Variants in ARFGEF3 observed in about 807,000 individuals in gnomAD.
The protein encoded by ARFGEF3 is ARFGEF family member 3.
ARFGEF3 carries 96 observed loss-of-function variants against 221.7 expected under a neutral mutation model. The ratio of observed to expected loss-of-function variants is 0.43; its 90% CI spans 0.37 to 0.51. The LOEUF is 0.51. Ranked by LOEUF, ARFGEF3 falls within the 20% of genes least tolerant of loss-of-function variation. The pLI, the probability that ARFGEF3 is intolerant of heterozygous loss-of-function variation, is 0.00. For synonymous variants in ARFGEF3, 1,145 were observed against 1,126.8 expected (o/e 1.02, Z -0.32); for missense variants, 2,410 against 2,789.9 (o/e 0.86, Z 3.07).
Position 138,245,544 on chromosome 6 carries a change from T to G in ARFGEF3, c.618T>G (p.Val206=). 4 of 1,611,558 alleles carry G rather than the reference T, an allele frequency of 2.5e-6. No homozygotes were observed. The highest frequency in any genetic ancestry group is 3.4e-6 in the Non-Finnish European group (4 of 1,179,044). ...CAGTAGAGTCCCTCTGTGATGATGT[T>G]GTCTCTGTACTCACCGTCCTGTGTG... The part of the protein sequence containing the change: ...GSTVESLCDD[V]VSVLTVLCEK... Residue 206 remains valine, a synonymous_variant, in exon 8 of 34, where the codon GTT becomes GTG. Transcript: ENST00000251691.
At position 138,175,501 on chromosome 6, in the gene ARFGEF3, A is replaced by G. The variant is rs922410157; in HGVS notation, c.137+4788A>G. Among the ~76,000 whole-genome samples, 5 of 152,310 alleles carry G rather than the reference A, an allele frequency of 3.3e-5. No individual in the cohort carries two copies. The East Asian group carries it at 9.6e-4, about 29-fold the overall frequency. On this transcript the variant is annotated intron_variant, in intron 2 of 33. Coordinates refer to ENST00000251691, the MANE Select transcript of ARFGEF3 (RefSeq NM_020340.5). The stretch of plus-strand genomic sequence containing the variant: ...GAAGAAGCCATCGATAGCTCAGGTT[A>G]TGTCTTAGATTAGAATCATCCTCCC...
rs758160968 is a variant in ARFGEF3, at chr6:138,278,446, C to T, written c.2129-5C>T. Reference sequence around the variant, plus strand: ...CCCCAAAAGTCCCTTCATTGTCTCCCTTAGGCATGATGCACTCTCCTGGCT... The same window carrying T: ...CCCCAAAAGTCCCTTCATTGTCTCCTTTAGGCATGATGCACTCTCCTGGCT... On this transcript the variant is annotated splice_polypyrimidine_tract_variant and splice_region_variant and intron_variant, in intron 12 of 33. Coordinates refer to ENST00000251691, the MANE Select transcript of ARFGEF3 (RefSeq NM_020340.5). 1 of 1,613,574 alleles carries T rather than the reference C, an allele frequency of 6.2e-7. No individual in the cohort carries two copies. Among genetic ancestry groups the T allele is most frequent in the Non-Finnish European group, 8.5e-7 (1 of 1,179,758 alleles).
chr6:138,234,500 G>T (rs1391367148), intron 5 of ARFGEF3, among the ~76,000 whole-genome samples: 2 of 151,294 alleles, frequency 1.3e-5, no homozygotes, highest in Admixed American at 6.6e-5. Context: ...GTGTGTGTGT[G>T]GTGTGTGTTT....
At chr6:138,193,690 T>C (rs1037948628) in intron 2 of ARFGEF3, among the ~76,000 whole-genome samples, 10 of 152,316 alleles carry the variant, frequency 6.6e-5, no homozygotes, top group Admixed American at 5.2e-4. Context: ...TACCTGGAAA[T>C]TTTTATTTCC....
chr6:138,293,286 T>C (rs929076039), intron 19 of ARFGEF3, among the ~76,000 whole-genome samples: 2 of 152,306 alleles, frequency 1.3e-5, no homozygotes, highest in African/African-American at 2.4e-5. Context: ...AAAACAGATA[T>C]TTGATCTTTA....
chr6:138,248,550 G>A (rs1778526637), intron 8 of ARFGEF3, among the ~76,000 whole-genome samples: 1 of 152,182 alleles, frequency 6.6e-6, no homozygotes, highest in South Asian at 2.1e-4. Flanking sequence ...GTTTTTAAGT[G>A]CTAGAAACGT....
At position 138,298,961 on chromosome 6, in the gene ARFGEF3, A is replaced by T. The variant is rs562541259; in HGVS notation, c.3828+176A>T. Among the ~76,000 whole-genome samples, 4 of 152,258 alleles carry T rather than the reference A, an allele frequency of 2.6e-5. No homozygotes were observed. The East Asian group carries it at 7.7e-4, about 29-fold the overall frequency. On this transcript the variant is annotated intron_variant, in intron 22 of 33. Transcript: ENST00000251691. ...ACACCTGTAATCCCAGCACTTTGGGAGGCCAAGGTGGGCGGATCACGAGGT... is the reference window on the plus strand; with the variant it reads ...ACACCTGTAATCCCAGCACTTTGGGTGGCCAAGGTGGGCGGATCACGAGGT...
intron 8 of ARFGEF3, among the ~76,000 whole-genome samples, chr6:138,246,952 T>A (rs1778495824): frequency 6.6e-6 from 1 of 152,218 alleles, no homozygotes; most frequent in South Asian, 2.1e-4. Flanking sequence ...ACTATATATA[T>A]AAATCCTATA....
rs527640388 is a variant in ARFGEF3, at chr6:138,313,721, T to G, written c.4201-74T>G. 122 of 1,243,518 alleles carry G rather than the reference T, an allele frequency of 9.8e-5. 1 individual carries two copies. In the East Asian group the frequency reaches 2.5e-3, roughly 25 times the overall value. The allele number at this position is 1,243,518 out of a possible 1,614,324, so 77.0% of individuals were successfully genotyped here. On this transcript the variant is annotated intron_variant, in intron 25 of 33. Transcript: ENST00000251691. ...CTCCTTTTAGTACTAGTGTATAATTTCATTATTCTTTAAAACCCACAATGC... is the reference window on the plus strand; with the variant it reads ...CTCCTTTTAGTACTAGTGTATAATTGCATTATTCTTTAAAACCCACAATGC...
chr6:138,210,119 T>A, intron 4 of ARFGEF3, 78 bp downstream of exon 4: 1 of 1,454,316 alleles, frequency 6.9e-7, no homozygotes. Flanking sequence ...TATCTGAAAA[T>A]GCCTCTGCGT....
At chr6:138,279,924 G>A in intron 13 of ARFGEF3, 75 bp from the exon 14 acceptor site, 1 of 1,439,820 alleles carries the variant, frequency 6.9e-7, no homozygotes, top group Non-Finnish European at 9.7e-7. Context: ...GACGTGAAGA[G>A]GCAGCAGAGG....
chr6:138,294,127 G>A lies in ARFGEF3; in HGVS notation c.3502+1G>A. On this transcript the variant is annotated splice_donor_variant, in intron 20 of 33. Coordinates refer to ENST00000251691, the MANE Select transcript of ARFGEF3 (RefSeq NM_020340.5). LOFTEE classifies it high-confidence loss of function. ...GTTGATTACTCTCTGGCAATGCCAG[G>A]TAATTCTTTCCCTGAATAAACCATA... The A allele has an allele frequency of 6.2e-7, 1 of 1,613,456 alleles. No homozygotes were observed. The highest frequency in any genetic ancestry group is 8.5e-7 in the Non-Finnish European group (1 of 1,179,788).
intron 22 of ARFGEF3, among the ~76,000 whole-genome samples, chr6:138,306,093 G>A (rs1000087118): frequency 6.6e-6 from 1 of 151,912 alleles, no homozygotes. Context: ...CATTATATGG[G>A]ATTTGCAAAA....
At chr6:138,236,924 AAATT>A (rs1402334425) in intron 5 of ARFGEF3, among the ~76,000 whole-genome samples, 1 of 152,180 alleles carries the variant, frequency 6.6e-6, no homozygotes, top group Non-Finnish European at 1.5e-5. Context: ...TTTAACTATG[AAATT>A]AATTAATCTA....
intron 23 of ARFGEF3, among the ~76,000 whole-genome samples, chr6:138,308,005 G>A (rs1393731511): frequency 1.3e-5 from 2 of 152,154 alleles, no homozygotes; most frequent in Non-Finnish European, 2.9e-5. Context: ...CTGTGCTCTC[G>A]CCCTCCCAGG....
intron 12 of ARFGEF3, among the ~76,000 whole-genome samples, chr6:138,277,419 T>C (rs1779118908): frequency 6.6e-6 from 1 of 152,254 alleles, no homozygotes; most frequent in Non-Finnish European, 1.5e-5. Context: ...TGAGTAATGC[T>C]GCAGTGAACA....
chr6:138,288,750 C>T (rs937197449), intron 17 of ARFGEF3, among the ~76,000 whole-genome samples: 9 of 152,144 alleles, frequency 5.9e-5, no homozygotes, highest in African/African-American at 2.2e-4. Context: ...AATCACTTTG[C>T]TCCTTACATT....
rs149300907 is a variant in ARFGEF3 at position 138,333,385 on chromosome 6, T to C, written c.5124-585T>C. ...TGATGTCACAGTTAACTCTCTGATA[T>C]CTGTGATATCTTGACAACTATTAAT... On this transcript the variant is annotated intron_variant, in intron 32 of 33. Transcript: ENST00000251691. Among the ~76,000 whole-genome samples, 691 of 152,314 alleles carry C rather than the reference T, an allele frequency of 4.5e-3. 8 individuals carry two copies. Among genetic ancestry groups the C allele is most frequent in the African/African-American group, 0.016 (650 of 41,566 alleles).
intron 2 of ARFGEF3, among the ~76,000 whole-genome samples, chr6:138,206,568 A>G (rs929480526): frequency 1.2e-4 from 19 of 152,232 alleles, no homozygotes; most frequent in African/African-American, 4.3e-4. Flanking sequence ...ACAAACTAAT[A>G]GAATTTTGAT....
Sources: allele counts gnomAD v4.1 joint callset (sites outside exome capture counted in the v4.1 genomes callset), GRCh38; gene constraint gnomAD v4.1.1; transcripts MANE v1.5; gene names NCBI Gene and HGNC (gene_info 2026-07-23, HGNC 2026-07-21).